The following RAPH1 variants were observed in gnomAD, a reference collection of about 807,000 sequenced individuals.
RAPH1 encodes the protein Ras association (RalGDS/AF-6) and pleckstrin homology domains 1, also known as ras-associated and pleckstrin homology domains-containing protein 1.
A neutral mutation model predicts 88.1 loss-of-function variants in RAPH1; 18 were observed. The ratio of observed to expected loss-of-function variants is 0.20; its 90% CI spans 0.14 to 0.30. The LOEUF is 0.30. Ranked by LOEUF, RAPH1 falls within the 10% of genes least tolerant of loss-of-function variation. The probability of loss-of-function intolerance (pLI) is 1.00; values close to 1 mark genes in which losing one functional copy is unlikely to be tolerated. For synonymous variants in RAPH1, 587 were observed against 559.0 expected, an observed-to-expected ratio of 1.05 and a Z score of -0.71; for missense variants, 1,448 against 1,543.2, an observed-to-expected ratio of 0.94 and a Z score of 1.03.
intron 4 of RAPH1, among the ~76,000 whole-genome samples, chr2:203,482,180 CTTTAT>C (rs979801781): frequency 9.2e-5 from 14 of 151,942 alleles, no homozygotes; most frequent in Admixed American, 5.9e-4. Flanking sequence ...ATACCTATTC[CTTTAT>C]TTTATTTTAT....
intron 2 of RAPH1, among the ~76,000 whole-genome samples, chr2:203,494,034 T>G (rs1688400918): frequency 8.2e-6 from 1 of 121,222 alleles, no homozygotes. Context: ...CAAAATACAG[T>G]ATTAACAGAT....
In RAPH1 at chr2:203,524,439, G is replaced by C. The variant is rs1478741424; in HGVS notation, c.-1+10672C>G. 3.3e-5 allele frequency among the ~76,000 whole-genome samples: 5 copies of C among 152,086 alleles called. 1 individual carries two copies. In the South Asian group the frequency reaches 6.2e-4, roughly 19 times the overall value. On this transcript the variant is annotated intron_variant, in intron 1 of 13. Transcript: ENST00000319170. ...TCATAGGTATTCATCCTCAAGAAAT[G>C]AAAACCTGTCCACAATTGGAAACAG...
chr2:203,464,546 C>A (rs534514368), intron 4 of RAPH1, among the ~76,000 whole-genome samples: 13 of 152,230 alleles, frequency 8.5e-5, no homozygotes, highest in Non-Finnish European at 1.9e-4. Flanking sequence ...GCTGGGATTA[C>A]AGGCATGAGC....
Position 203,440,083 on chromosome 2 carries a change from T to G in RAPH1, c.3107A>C (p.Asn1036Thr). ...CCCTTGTTGGAGAACTCCAGGAAGG[T>G]TGACTCCAGAAAGATTGAGTTTTCC... The part of the protein sequence containing the change: ...KPGKLNLSGV[N>T]LPGVLQQGCV... The change falls in exon 14 of 14, where the codon AAC becomes ACC. Residue 1036 changes from asparagine (N) to threonine (T), a missense_variant. By Grantham distance (65) the Asn-to-Thr change is moderately conservative. Around this residue, in one of 2 missense-constraint regions of RAPH1, gnomAD observed 935 missense variants for 890.1 expected, o/e 1.05. Coordinates refer to ENST00000319170, the MANE Select transcript of RAPH1 (RefSeq NM_213589.3). The G allele has an allele frequency of 1.2e-6, 2 of 1,613,378 alleles. No individual in the cohort carries two copies. Among genetic ancestry groups the G allele is most frequent in the Non-Finnish European group, 8.5e-7 (1 of 1,179,974 alleles).
chr2:203,469,043 T>G (rs1330077559), intron 4 of RAPH1, among the ~76,000 whole-genome samples: 1 of 152,140 alleles, frequency 6.6e-6, no homozygotes, highest in African/African-American at 2.4e-5. Flanking sequence ...TGTAGGTAAG[T>G]AGGCTAAACA....
chr2:203,525,249 A>C (rs1581412479), intron 1 of RAPH1, among the ~76,000 whole-genome samples: 1 of 152,130 alleles, frequency 6.6e-6, no homozygotes, highest in African/African-American at 2.4e-5. Flanking sequence ...GCAATGGCAC[A>C]ATCTTGGCTC....
At position 203,509,124 on chromosome 2, in the gene RAPH1, G is replaced by C. The variant is rs530039180; in HGVS notation, c.1-13771C>G. ...GTCGCTCTGTCACTCAGGCTGGAGT[G>C]TGGTGACACGATCTTGGCTCACTGC... On this transcript the variant is annotated intron_variant, in intron 1 of 13. Coordinates refer to ENST00000319170, the MANE Select transcript of RAPH1 (RefSeq NM_213589.3). Among the ~76,000 whole-genome samples the C allele has an allele frequency of 1.0e-4, 14 of 140,578 alleles. No homozygotes were observed. The East Asian group carries it at 2.5e-3, about 25-fold the overall frequency. The allele number at this position is 140,578 out of a possible 152,430, so 92.2% of individuals were successfully genotyped here.
Position 203,505,093 on chromosome 2 carries a change from C to A in RAPH1, c.1-9740G>T, listed in dbSNP as rs372363015. On this transcript the variant is annotated intron_variant, in intron 1 of 13. Coordinates refer to ENST00000319170, the MANE Select transcript of RAPH1 (RefSeq NM_213589.3). ...TTCTGAGCCCTCCAAACTGTTCCAG[C>A]CTCTGCCTGTTACCCAGTTCCAAAG... Among the ~76,000 whole-genome samples the A allele has an allele frequency of 2.6e-4, 39 of 152,324 alleles. No individual in the cohort carries two copies. The South Asian group carries it at 7.5e-3, about 29-fold the overall frequency.
At position 203,437,250 on chromosome 2, in the gene RAPH1, C is replaced by G. The variant is rs191257801; in HGVS notation, c.*2187G>C. ...GTTAGCGGGTACATTTTTTCCCCCTCAAGAAAAACTGAAGTGTTGTCTACC... is the reference window on the plus strand; with the variant it reads ...GTTAGCGGGTACATTTTTTCCCCCTGAAGAAAAACTGAAGTGTTGTCTACC... On this transcript the variant is annotated 3_prime_UTR_variant, in exon 14 of 14. Transcript: ENST00000319170. 1 of 152,204 alleles carries G rather than the reference C, an allele frequency of 6.6e-6. No homozygotes were observed. Among genetic ancestry groups the G allele is most frequent in the East Asian group, 1.9e-4 (1 of 5,188 alleles). The allele number at this position is 152,204 out of a possible 1,614,324, so 9.4% of individuals were successfully genotyped here. A position where few individuals can be genotyped will look rare whatever the true frequency, so the allele number is the denominator to read the frequency against.
intron 1 of RAPH1, among the ~76,000 whole-genome samples, chr2:203,520,156 T>C (rs1351633244): frequency 6.6e-6 from 1 of 151,344 alleles, no homozygotes; most frequent in Non-Finnish European, 1.5e-5. Context: ...GGTGGAAAAC[T>C]ATCTGTACCA....
At chr2:203,447,704 A>G in intron 12 of RAPH1, 2 of 277,482 alleles carry the variant, frequency 7.2e-6, no homozygotes, top group Non-Finnish European at 1.3e-5. Flanking sequence ...GTTTTGAATA[A>G]ATTTTATAAA....
chr2:203,510,293 G>C (rs1689278064), intron 1 of RAPH1, among the ~76,000 whole-genome samples: 1 of 125,272 alleles, frequency 8.0e-6, no homozygotes, highest in South Asian at 2.7e-4. Flanking sequence ...CTGAGATCAT[G>C]CCACTGCACT....
intron 1 of RAPH1, among the ~76,000 whole-genome samples, chr2:203,505,718 T>C (rs1003373895): frequency 2.6e-5 from 4 of 152,216 alleles, no homozygotes; most frequent in Non-Finnish European, 5.9e-5. Context: ...TTGTGTTGTT[T>C]ATATTCCAGA....
chr2:203,481,760 T>C (rs78633148), intron 4 of RAPH1, among the ~76,000 whole-genome samples: 4 of 145,546 alleles, frequency 2.7e-5, no homozygotes, highest in Admixed American at 6.9e-5. Context: ...CCAGGATAAT[T>C]TTTTTTTTTT....
intron 1 of RAPH1, among the ~76,000 whole-genome samples, chr2:203,512,621 CTTTTT>C (rs1201403582): frequency 1.6e-5 from 2 of 125,874 alleles, no homozygotes; most frequent in African/African-American, 3.3e-5. Flanking sequence ...CATCCCTTAC[CTTTTT>C]TTTTTTTTTT....
intron 1 of RAPH1, among the ~76,000 whole-genome samples, chr2:203,515,198 T>C (rs933574012): frequency 6.6e-6 from 1 of 152,228 alleles, no homozygotes; most frequent in African/African-American, 2.4e-5. Flanking sequence ...CTTATAATTA[T>C]CTTTTGTGTT....
intron 4 of RAPH1, among the ~76,000 whole-genome samples, chr2:203,488,467 T>A (rs1421161883): frequency 6.6e-6 from 1 of 151,540 alleles, no homozygotes; most frequent in East Asian, 1.9e-4. Flanking sequence ...CACACGCCTG[T>A]AATCCCAGCT....
At chr2:203,469,610 T>C (rs984826950) in intron 4 of RAPH1, among the ~76,000 whole-genome samples, 3 of 151,992 alleles carry the variant, frequency 2.0e-5, no homozygotes, top group South Asian at 2.1e-4. Context: ...TAAAAAGAGG[T>C]AGAAAGCAAC....
Position 203,517,359 on chromosome 2 carries a change from C to CAAA in RAPH1, c.-1+17749_-1+17751dup, listed in dbSNP as rs71408943. On this transcript the variant is annotated intron_variant, in intron 1 of 13. Coordinates refer to ENST00000319170, the MANE Select transcript of RAPH1 (RefSeq NM_213589.3). ...CAACAGAGCATCAAACTATGAGAGG[C>CAAA]AAAAAAAAAAAAAAAAAAAAAAAAG... Among the ~76,000 whole-genome samples the CAAA allele has an allele frequency of 1.8e-3, 57 of 32,124 alleles. 2 individuals carry two copies. Among genetic ancestry groups the CAAA allele is most frequent in the African/African-American group, 3.2e-3 (29 of 9,054 alleles). The allele number at this position is 32,124 out of a possible 152,430, so 21.1% of individuals were successfully genotyped here.
Sources: gnomAD v4.1 joint callset for allele counts (sites outside exome capture counted in the v4.1 genomes callset) on GRCh38, gnomAD v4.1.1 for gene constraint, gnomAD v4.1.1 regional missense constraint, MANE v1.5 for transcripts, NCBI Gene and HGNC (gene_info 2026-07-23, HGNC 2026-07-21) for gene names.